Variants in CDH7 observed in about 807,000 individuals in gnomAD.
CDH7 encodes cadherin-7.
In CDH7, 25 loss-of-function variants were observed where a neutral mutation model predicts 71.8. The ratio of observed to expected loss-of-function variants is 0.35; its 90% CI spans 0.25 to 0.49. CDH7 has a LOEUF of 0.49. CDH7 is among the 20% of genes least tolerant of loss of function. CDH7 has a pLI of 0.99. For synonymous variants in CDH7, 381 were observed against 363.8 expected, an observed-to-expected ratio of 1.05 and a Z score of -0.54; for missense variants, 862 against 974.6, an observed-to-expected ratio of 0.88 and a Z score of 1.54.
At position 65,762,750 on chromosome 18, in the gene CDH7, G is replaced by T. The variant is rs1916229031; in HGVS notation, c.-93G>T. 1 of 1,000,302 alleles carries T rather than the reference G, an allele frequency of 1.0e-6. No homozygotes were observed. Among genetic ancestry groups the T allele is most frequent in the Admixed American group, 2.4e-5 (1 of 40,970 alleles). The allele number at this position is 1,000,302 out of a possible 1,614,324, so 62.0% of individuals were successfully genotyped here. On this transcript the variant is annotated 5_prime_UTR_variant, in exon 2 of 12. Transcript: ENST00000397968. ...TCTCTGGACTCCCAGCTGACACCCT[G>T]CCGGAGGCAAGAGCTACTAAGCCAA...
At chr18:65,859,622 T>G in intron 9 of CDH7, 86 bp from the exon 10 acceptor site, 1 of 771,398 alleles carries the variant, frequency 1.3e-6, no homozygotes, top group Non-Finnish European at 2.3e-6. Flanking sequence ...GTATTTATTA[T>G]AAAGTGTAAA....
rs1406663278 is a variant in CDH7, at chr18:65,885,151, A to AT, written c.*4261dup. On this transcript the variant is annotated 3_prime_UTR_variant, in exon 12 of 12. Transcript: ENST00000397968. ...ACAAGAAAGGAATAATAGCATTTGC[A>AT]TTTTAAATGTAATTGAAACTATTTC... The AT allele has an allele frequency of 1.3e-5, 2 of 152,080 alleles. No homozygotes were observed. Among genetic ancestry groups the AT allele is most frequent in the African/African-American group, 4.8e-5 (2 of 41,434 alleles). The allele number at this position is 152,080 out of a possible 1,614,324, so 9.4% of individuals were successfully genotyped here. A position where few individuals can be genotyped will look rare whatever the true frequency, so the allele number is the denominator to read the frequency against.
chr18:65,760,009 C>A (rs1916146522), intron 1 of CDH7, among the ~76,000 whole-genome samples: 1 of 152,144 alleles, frequency 6.6e-6, no homozygotes, highest in Non-Finnish European at 1.5e-5. Context: ...CCAACTACAA[C>A]TATCAAAATG....
rs147379460 is a variant in CDH7 at position 65,880,792 on chromosome 18, C to G, written c.2256C>G (p.Ser752Arg). Residue 752 changes from serine (S) to arginine (R), a missense_variant, in exon 12 of 12, where the codon AGC (serine) becomes AGG (arginine). Ser to Arg is a moderately radical substitution (Grantham distance 110). Coordinates refer to ENST00000397968, the MANE Select transcript of CDH7 (RefSeq NM_004361.5). ...CACTCAGCTCTTTAGATTCCATCAG[C>G]TCAAACTCTGATCAGAACTATGACT... ...AESLSSLDSI[S>R]SNSDQNYDYL... 684 of 1,614,000 alleles carry G rather than the reference C, an allele frequency of 4.2e-4. No individual in the cohort carries two copies. The highest frequency in any genetic ancestry group is 5.5e-4 in the Non-Finnish European group (648 of 1,180,004).
At chr18:65,765,242 C>T (rs1320476252) in intron 2 of CDH7, among the ~76,000 whole-genome samples, 2 of 151,834 alleles carry the variant, frequency 1.3e-5, no homozygotes, top group African/African-American at 4.8e-5. Context: ...AGAATTTGTA[C>T]ACAAGAGAGA....
At position 65,814,405 on chromosome 18, in the gene CDH7, G is replaced by A. The variant is rs1386616231; in HGVS notation, c.506-80G>A. On this transcript the variant is annotated intron_variant, in intron 3 of 11. Transcript: ENST00000397968. ...AAAATTTTCAAATAAGCTTAATGTG[G>A]AATCAGTAACATTTTGTACGTTTTT... The A allele has an allele frequency of 8.2e-6, 12 of 1,455,928 alleles. 1 individual carries two copies. The South Asian group carries it at 1.4e-4, about 17-fold the overall frequency. The allele number at this position is 1,455,928 out of a possible 1,614,324, so 90.2% of individuals were successfully genotyped here.
intron 11 of CDH7, among the ~76,000 whole-genome samples, chr18:65,869,064 C>T (rs1049060356): frequency 6.6e-6 from 1 of 152,206 alleles, no homozygotes; most frequent in Non-Finnish European, 1.5e-5. Context: ...TGATTGAATA[C>T]CCACTTATAT....
At chr18:65,810,469 G>T in intron 3 of CDH7, among the ~76,000 whole-genome samples, 1 of 152,188 alleles carries the variant, frequency 6.6e-6, no homozygotes, top group East Asian at 1.9e-4. Context: ...CTAATATTTG[G>T]ATTAATATTT....
chr18:65,787,123 A>G (rs2143848314), intron 2 of CDH7, among the ~76,000 whole-genome samples: 1 of 152,362 alleles, frequency 6.6e-6, no homozygotes, highest in South Asian at 2.1e-4. Flanking sequence ...CATGCAGCCA[A>G]AAAGTCAGGC....
intron 7 of CDH7, among the ~76,000 whole-genome samples, chr18:65,848,564 T>G (rs898625335): frequency 6.8e-6 from 1 of 145,990 alleles, no homozygotes; most frequent in Non-Finnish European, 1.5e-5. Context: ...CCAAGAAAAA[T>G]CATGCAAAGT....
intron 1 of CDH7, among the ~76,000 whole-genome samples, chr18:65,756,854 C>G (rs1916043614): frequency 6.6e-6 from 1 of 152,130 alleles, no homozygotes; most frequent in African/African-American, 2.4e-5. Context: ...TTTAAAAAAG[C>G]AGTCTAGAAC....
intron 6 of CDH7, among the ~76,000 whole-genome samples, chr18:65,833,878 T>G (rs1042251783): frequency 3.9e-5 from 6 of 152,230 alleles, no homozygotes; most frequent in South Asian, 2.1e-4. Context: ...TTTGTTCACT[T>G]AAGAGTATTT....
rs1555689495 is a variant in CDH7, at chr18:65,853,924, T to TATATATCC, written c.1236-3886_1236-3885insCCATATAT. Among the ~76,000 whole-genome samples the TATATATCC allele has an allele frequency of 5.5e-3, 466 of 84,692 alleles. 13 individuals are homozygous for TATATATCC. The highest frequency in any genetic ancestry group is 0.021 in the African/African-American group (452 of 21,774). The allele number at this position is 84,692 out of a possible 152,430, so 55.6% of individuals were successfully genotyped here. The stretch of plus-strand genomic sequence containing the variant: ...AAATTACCATATATATATATATATA[T>TATATATCC]ATATATATATATATATATATATATA... On this transcript the variant is annotated intron_variant, in intron 7 of 11. Transcript: ENST00000397968.
intron 11 of CDH7, among the ~76,000 whole-genome samples, chr18:65,874,415 C>T (rs773851897): frequency 3.3e-4 from 50 of 151,836 alleles, no homozygotes; most frequent in Non-Finnish European, 5.4e-4. Flanking sequence ...ATATAAGTAG[C>T]CTTAGAAAGC....
intron 2 of CDH7, among the ~76,000 whole-genome samples, chr18:65,791,740 G>A (rs1198774757): frequency 2.0e-5 from 3 of 152,218 alleles, no homozygotes; most frequent in African/African-American, 7.2e-5. Context: ...ATGACGTAAT[G>A]TATGTAATCC....
At chr18:65,762,474 T>C (rs151293156) in intron 1 of CDH7, among the ~76,000 whole-genome samples, 173 bp from the exon 2 acceptor site, 167 of 152,258 alleles carry the variant, frequency 1.1e-3, no homozygotes, top group Non-Finnish European at 1.9e-3. Flanking sequence ...TATCAATGTA[T>C]ATTATAATTT....
At chr18:65,821,748 G>A (rs954876849) in intron 4 of CDH7, among the ~76,000 whole-genome samples, 7 of 152,170 alleles carry the variant, frequency 4.6e-5, no homozygotes, top group Admixed American at 1.3e-4. Flanking sequence ...TCATTGCTGC[G>A]TACTTGTACA....
intron 2 of CDH7, among the ~76,000 whole-genome samples, chr18:65,796,696 G>A (rs1011722571): frequency 2.0e-5 from 3 of 152,106 alleles, no homozygotes; most frequent in Non-Finnish European, 4.4e-5. Context: ...ACAAGGGCAC[G>A]AGACCCCGAA....
intron 2 of CDH7, among the ~76,000 whole-genome samples, chr18:65,784,770 G>A (rs1353846870): frequency 6.6e-6 from 1 of 151,976 alleles, no homozygotes; most frequent in African/African-American, 2.4e-5. Flanking sequence ...TTTGATTTTT[G>A]CCACAATTCT....
Sources: gnomAD v4.1 joint callset for allele counts (sites outside exome capture counted in the v4.1 genomes callset) on GRCh38, gnomAD v4.1.1 for gene constraint, MANE v1.5 for transcripts, NCBI Gene and HGNC (gene_info 2026-07-23, HGNC 2026-07-21) for gene names.